CNDP1: variants seen among roughly 807,000 people sequenced by gnomAD.
CNDP1 encodes the protein beta-Ala-His dipeptidase.
In CNDP1, 44 loss-of-function variants were observed where a neutral mutation model predicts 58.1. That is an observed-to-expected ratio of 0.76 (90% CI 0.60 to 0.97). CNDP1 has a LOEUF of 0.97. CNDP1 is among the 50% of genes least tolerant of loss of function. The pLI is 0.00. For missense variants in CNDP1, 616 were observed against 655.1 expected, an observed-to-expected ratio of 0.94 and a Z score of 0.65; for synonymous variants, 254 against 252.6, an observed-to-expected ratio of 1.01 and a Z score of -0.05.
intron 2 of CNDP1, 137 bp downstream of exon 2, chr18:74,556,603 G>T: frequency 1.0e-6 from 1 of 983,760 alleles, no homozygotes; most frequent in East Asian, 2.4e-5. Flanking sequence ...CTGCTCATTG[G>T]GTTAAAAATC....
rs963605779 is a variant in CNDP1 at position 74,545,470 on chromosome 18, T to G, written c.24+10779T>G. On this transcript the variant is annotated intron_variant, in intron 1 of 11. Coordinates refer to ENST00000358821, the MANE Select transcript of CNDP1 (RefSeq NM_032649.6). This position sits in a 1 kb window ranked among gnomAD's most constrained non-coding sequence, Gnocchi z 4.1. ...AAAGGCTGTGTACGTAATTACAGGT[T>G]TCTAGAAAAGAAACGTGTTATTTGG... Among the ~76,000 whole-genome samples, 8 of 151,898 alleles carry G rather than the reference T, an allele frequency of 5.3e-5. No homozygotes were observed. The highest frequency in any genetic ancestry group is 1.0e-4 in the Non-Finnish European group (7 of 67,986).
rs10685765 is a variant in CNDP1 at position 74,535,580 on chromosome 18, C to CTTTTTTTTTTTTTTTTT, written c.24+903_24+904insTTTTTTTTTTTTTTTTT. On this transcript the variant is annotated intron_variant, in intron 1 of 11. Coordinates refer to ENST00000358821, the MANE Select transcript of CNDP1 (RefSeq NM_032649.6). ...GTCTGGCCATGCTTTCCATTGCTGA[C>CTTTTTTTTTTTTTTTTT]TTTTTTTTTTTTTTAAAGAACCCAT... Among the ~76,000 whole-genome samples the CTTTTTTTTTTTTTTTTT allele has an allele frequency of 1.4e-4, 15 of 106,376 alleles. 1 individual carries two copies. Among genetic ancestry groups the CTTTTTTTTTTTTTTTTT allele is most frequent in the South Asian group, 3.5e-4 (1 of 2,834 alleles). 69.8% of individuals were successfully genotyped at this position (106,376 alleles called of 152,430 possible). A position where few individuals can be genotyped will look rare whatever the true frequency, so the allele number is the denominator to read the frequency against.
chr18:74,582,540 G>A (rs1260467772), intron 10 of CNDP1, among the ~76,000 whole-genome samples: 1 of 152,198 alleles, frequency 6.6e-6, no homozygotes, highest in African/African-American at 2.4e-5. Flanking sequence ...TTTAATTCAT[G>A]AAGAAACAAT....
intron 6 of CNDP1, among the ~76,000 whole-genome samples, chr18:74,570,262 G>C (rs941850263): frequency 5.3e-5 from 8 of 150,330 alleles, no homozygotes; most frequent in Non-Finnish European, 1.0e-4. Flanking sequence ...GAAAAGAAAA[G>C]TGATAGGAAA....
chr18:74,553,060 T>G (rs1980949431), intron 1 of CNDP1, among the ~76,000 whole-genome samples: 1 of 152,268 alleles, frequency 6.6e-6, no homozygotes, highest in African/African-American at 2.4e-5. Flanking sequence ...TTCCATGTGT[T>G]TATTGGCCAT....
Position 74,584,624 on chromosome 18 carries a change from A to T in CNDP1, c.*62A>T. ...AGATTCACCTCCCCCACATCCCTAG[A>T]CAGGGATGGAATGTAAATATCCAGA... On this transcript the variant is annotated 3_prime_UTR_variant, in exon 12 of 12. Transcript: ENST00000358821. The T allele has an allele frequency of 2.4e-5, 30 of 1,234,836 alleles. No homozygotes were observed. Among genetic ancestry groups the T allele is most frequent in the Non-Finnish European group, 3.2e-5 (27 of 834,438 alleles). The allele number at this position is 1,234,836 out of a possible 1,614,324, so 76.5% of individuals were successfully genotyped here. A position where few individuals can be genotyped will look rare whatever the true frequency, so the allele number is the denominator to read the frequency against.
chr18:74,557,132 GA>G (rs1293491695), intron 2 of CNDP1, among the ~76,000 whole-genome samples: 2 of 152,234 alleles, frequency 1.3e-5, no homozygotes, highest in Admixed American at 6.5e-5. Context: ...TGGGCAGGCT[GA>G]TTTTGAACTC....
intron 7 of CNDP1, among the ~76,000 whole-genome samples, chr18:74,572,906 A>G (rs1025169194): frequency 6.6e-6 from 1 of 151,624 alleles, no homozygotes; most frequent in East Asian, 1.9e-4. Flanking sequence ...GAAAGCATTT[A>G]CTCCCTTGGC....
Position 74,583,638 on chromosome 18 carries a change from A to G in CNDP1, c.1387A>G (p.Lys463Glu), listed in dbSNP as rs1599105210. 1 of 1,614,178 alleles carries G rather than the reference A, an allele frequency of 6.2e-7. No individual in the cohort carries two copies. Among genetic ancestry groups the G allele is most frequent in the African/African-American group, 1.3e-5 (1 of 75,056 alleles). The change falls in exon 11 of 12, where the codon AAG becomes GAG. Residue 463 changes from lysine (K) to glutamate (E), a missense_variant. Coordinates refer to ENST00000358821, the MANE Select transcript of CNDP1 (RefSeq NM_032649.6). ...CAAAATGTTCCAGGAGATCGTCCAC[A>G]AGAGCGTGGTGCTAATTCCGCTGGG... ...IAKMFQEIVH[K>E]SVVLIPLGAV... is the part of the protein sequence containing the mutation.
chr18:74,542,645 C>A (rs1240903729), intron 1 of CNDP1, among the ~76,000 whole-genome samples: 1 of 152,224 alleles, frequency 6.6e-6, no homozygotes, highest in African/African-American at 2.4e-5. Context: ...CCACCTCAAA[C>A]CTCCTGAGTT....
At chr18:74,579,165 CTCTCCCT>C (rs1182912102) in intron 9 of CNDP1, among the ~76,000 whole-genome samples, 91 of 148,714 alleles carry the variant, frequency 6.1e-4, no homozygotes, top group East Asian at 3.2e-3. Flanking sequence ...TCTCCTCCCT[CTCTCCCT>C]TCTCCCTTCT....
chr18:74,575,833 G>GCA (rs1981620150), intron 7 of CNDP1, among the ~76,000 whole-genome samples: 1 of 133,120 alleles, frequency 7.5e-6, no homozygotes, highest in Non-Finnish European at 1.5e-5. Flanking sequence ...GTGTATACAT[G>GCA]TGTGTGTGTG....
intron 1 of CNDP1, 25 bp downstream of exon 1, chr18:74,534,716 G>A (rs1332570900): frequency 1.2e-6 from 2 of 1,613,818 alleles, no homozygotes; most frequent in Admixed American, 3.3e-5. Context: ...CTCCATCAGA[G>A]TCCGTGCATT....
chr18:74,555,002 ATCTC>A (rs966385017), intron 1 of CNDP1, among the ~76,000 whole-genome samples: 3 of 151,888 alleles, frequency 2.0e-5, no homozygotes, highest in African/African-American at 7.3e-5. Context: ...TCTTGAGCAC[ATCTC>A]TCTCTCAAGG....
At chr18:74,575,524 G>GC (rs1425586007) in intron 7 of CNDP1, among the ~76,000 whole-genome samples, 5 of 152,236 alleles carry the variant, frequency 3.3e-5, no homozygotes, top group African/African-American at 1.2e-4. Flanking sequence ...CAGAGAGTGG[G>GC]CGGTATTTAC....
chr18:74,537,444 C>T (rs1980511251), intron 1 of CNDP1, among the ~76,000 whole-genome samples: 1 of 152,124 alleles, frequency 6.6e-6, no homozygotes, highest in African/African-American at 2.4e-5. Context: ...GACTTATTAC[C>T]ATCACCTTTT....
chr18:74,560,869 A>G lies in CNDP1; in HGVS notation c.317A>G (p.Gln106Arg). 8 of 1,613,486 alleles carry G rather than the reference A, an allele frequency of 5.0e-6. No individual in the cohort carries two copies. Among genetic ancestry groups the G allele is most frequent in the Non-Finnish European group, 5.9e-6 (7 of 1,179,418 alleles). Residue 106 changes from glutamine (Q) to arginine (R), a missense_variant, in exon 4 of 12, where the codon CAG (glutamine) becomes CGG (arginine). Transcript: ENST00000358821. ...DMGPQQLPDG[Q>R]SLPIPPVILA... The stretch of plus-strand genomic sequence containing the variant: ...ATCATTCTGCAGCTGCCCGATGGTC[A>G]GAGTCTTCCAATACCTCCCGTCATC...
intron 1 of CNDP1, among the ~76,000 whole-genome samples, chr18:74,536,985 G>A (rs1436966911): frequency 1.3e-5 from 2 of 152,088 alleles, no homozygotes; most frequent in East Asian, 3.9e-4. Flanking sequence ...TAATGGGATT[G>A]TTTGTTTTTT....
At chr18:74,560,548 A>G (rs1559809) in intron 3 of CNDP1, among the ~76,000 whole-genome samples, 34,304 of 151,994 alleles carry the variant, frequency 0.23, 4,192 homozygotes, top group African/African-American at 0.31. Flanking sequence ...TACCAAAAAT[A>G]CAAAAAGGTA....
Sources: gnomAD v4.1 joint callset for allele counts (sites outside exome capture counted in the v4.1 genomes callset) on GRCh38, gnomAD v4.1.1 for gene constraint, Gnocchi (gnomAD v3.1) non-coding constraint, MANE v1.5 for transcripts, NCBI Gene and HGNC (gene_info 2026-07-23, HGNC 2026-07-21) for gene names.